Variants in ARHGAP27 observed in about 807,000 individuals in gnomAD.
The protein encoded by ARHGAP27 is Rho GTPase activating protein 27.
In ARHGAP27, 53 loss-of-function variants were observed where a neutral mutation model predicts 102.0. The ratio of observed to expected loss-of-function variants is 0.52; its 90% confidence interval spans 0.42 to 0.65. ARHGAP27 has a LOEUF of 0.65. Among genes scored for constraint, ARHGAP27 ranks in the 30% least tolerant of loss-of-function variants. ARHGAP27 has a pLI of 0.00. For synonymous variants in ARHGAP27, 525 were observed against 542.8 expected (o/e 0.97, Z 0.46); for missense variants, 1,117 against 1,256.2 (o/e 0.89, Z 1.68).
rs778211805 is a variant in ARHGAP27 at position 45,402,827 on chromosome 17, G to C, written c.1639-9C>G. On this transcript the variant is annotated splice_polypyrimidine_tract_variant and intron_variant, in intron 11 of 19. Coordinates refer to ENST00000685559, the MANE Select transcript of ARHGAP27 (RefSeq NM_001282290.2). ...AACTTGGAAGGCTGCCTCTGTGGGA[G>C]AGGGAGGAAGGTCACAGGGAGCCCT... The C allele has an allele frequency of 3.2e-5, 52 of 1,606,994 alleles. 1 individual carries two copies. The South Asian group carries it at 5.3e-4, about 16-fold the overall frequency.
At chr17:45,399,525 G>A (rs1469966343) in intron 12 of ARHGAP27, among the ~76,000 whole-genome samples, 1 of 151,184 alleles carries the variant, frequency 6.6e-6, no homozygotes, top group Non-Finnish European at 1.5e-5. Context: ...CCGGGAGGCA[G>A]AGATTGCAGT....
chr17:45,404,177 C>T (rs2144477716), intron 9 of ARHGAP27, 81 bp from the exon 10 acceptor site: 2 of 1,607,230 alleles, frequency 1.2e-6, no homozygotes, highest in Admixed American at 3.3e-5. Context: ...GTCACCTGCT[C>T]AGCTGCCACT....
At chr17:45,410,123 G>T (rs902383785) in intron 4 of ARHGAP27, 3 of 1,315,704 alleles carry the variant, frequency 2.3e-6, no homozygotes, top group Admixed American at 5.3e-5. Flanking sequence ...AAGGAAGTAT[G>T]AGCCCCAACT....
chr17:45,400,577 A>T (rs1025395916), intron 12 of ARHGAP27, among the ~76,000 whole-genome samples: 1 of 152,216 alleles, frequency 6.6e-6, no homozygotes, highest in African/African-American at 2.4e-5. Context: ...TGTTTGAAGG[A>T]TATACCTATC....
intron 12 of ARHGAP27, 44 bp from the exon 13 acceptor site, chr17:45,398,091 C>A (rs762614374): frequency 2.6e-6 from 4 of 1,544,604 alleles, no homozygotes; most frequent in Non-Finnish European, 3.5e-6. Context: ...TACCCTGGGT[C>A]TGCCCTGGGG....
rs2045451019 is a variant in ARHGAP27, at chr17:45,395,251, T to C, written c.*205A>G. 1 of 619,116 alleles carries C rather than the reference T, an allele frequency of 1.6e-6. No homozygotes were observed. Among genetic ancestry groups the C allele is most frequent in the East Asian group, 2.9e-5 (1 of 34,420 alleles). 38.4% of individuals were successfully genotyped at this position (619,116 alleles called of 1,614,324 possible). On this transcript the variant is annotated 3_prime_UTR_variant, in exon 20 of 20. Coordinates refer to ENST00000685559, the MANE Select transcript of ARHGAP27 (RefSeq NM_001282290.2). ...GACGTGACGGGAAGGGAAGGGGGGA[T>C]GGGGAGTTGGGAAGAAGGAATCACA...
chr17:45,403,482 G>C (rs1230100), intron 11 of ARHGAP27, 137 bp downstream of exon 11: 329,702 of 670,554 alleles, frequency 0.49, 82,728 homozygotes, highest in Middle Eastern at 0.64. Flanking sequence ...ACTCAGGAGG[G>C]AGAGGTTGCA....
rs1277431449 is a variant in ARHGAP27, at chr17:45,395,489, C to T, written c.2637G>A (p.Leu879=). The T allele has an allele frequency of 1.3e-6, 2 of 1,583,394 alleles. No homozygotes were observed. Among genetic ancestry groups the T allele is most frequent in the African/African-American group, 2.7e-5 (2 of 74,384 alleles). Residue 879 remains leucine, a synonymous_variant, in exon 20 of 20, where the codon CTG becomes CTA. Coordinates refer to ENST00000685559, the MANE Select transcript of ARHGAP27 (RefSeq NM_001282290.2). ...GCGGGAAGATGTCCGCGCACTGCTG[C>T]AGGATGAGCTCCACCACCTGGTTCT... is the stretch of plus-strand genomic sequence containing the variant. ...VFQNQVVELI[L]QQCADIFPPH
rs563442224 is a variant in ARHGAP27 at position 45,422,955 on chromosome 17, T to C, written c.657+6668A>G. Among the ~76,000 whole-genome samples the C allele has an allele frequency of 6.0e-4, 91 of 152,018 alleles. 2 individuals are homozygous for C. Among genetic ancestry groups the C allele is most frequent in the Admixed American group, 3.1e-3 (47 of 15,266 alleles). On this transcript the variant is annotated intron_variant, in intron 4 of 19. Coordinates refer to ENST00000685559, the MANE Select transcript of ARHGAP27 (RefSeq NM_001282290.2). Reference sequence around the variant, plus strand: ...CAGCACTTTGGGAGGCTGAGGTGGGTGGATCACTTGAGGTCAGGAGTTGCA... The same window carrying C: ...CAGCACTTTGGGAGGCTGAGGTGGGCGGATCACTTGAGGTCAGGAGTTGCA...
intron 4 of ARHGAP27, among the ~76,000 whole-genome samples, chr17:45,421,452 A>T (rs1464946796): frequency 6.6e-6 from 1 of 152,048 alleles, no homozygotes; most frequent in Non-Finnish European, 1.5e-5. Flanking sequence ...ATAGCACTCC[A>T]GCCTGGGTGG....
chr17:45,402,880 C>T (rs1020365671), intron 11 of ARHGAP27, 62 bp from the exon 12 acceptor site: 1 of 1,416,184 alleles, frequency 7.1e-7, no homozygotes. Flanking sequence ...CTGTGGCACT[C>T]TGACCCTAGG....
rs1217148316 is a variant in ARHGAP27, at chr17:45,428,771, G to C, written c.657+852C>G. On this transcript the variant is annotated intron_variant, in intron 4 of 19. Transcript: ENST00000685559. ...AAGAACTGCCCCTAGATCATCACAC[G>C]GCCGGTGGCAGATGGCAGAACGGTT... is the stretch of plus-strand genomic sequence containing the variant. Among the ~76,000 whole-genome samples the C allele has an allele frequency of 5.3e-5, 8 of 152,148 alleles. No individual in the cohort carries two copies. In the East Asian group the frequency reaches 1.5e-3, roughly 29 times the overall value.
chr17:45,417,889 T>A (rs911557517), intron 4 of ARHGAP27, among the ~76,000 whole-genome samples: 5 of 151,718 alleles, frequency 3.3e-5, no homozygotes, highest in Non-Finnish European at 7.4e-5. Flanking sequence ...CCGTCTCTAC[T>A]AAAAATATAA....
intron 8 of ARHGAP27, 48 bp from the exon 9 acceptor site, chr17:45,404,382 C>A (rs1034678484): frequency 6.2e-7 from 1 of 1,613,688 alleles, no homozygotes; most frequent in Non-Finnish European, 8.5e-7. Context: ...CTCCCAGGAA[C>A]TCCAGAAGCC....
chr17:45,406,140 A>T, intron 4 of ARHGAP27, 57 bp from the exon 5 acceptor site: 1 of 1,466,052 alleles, frequency 6.8e-7, no homozygotes, highest in Admixed American at 2.3e-5. Context: ...AAATGGTAAC[A>T]GAGGTCCCCT....
intron 12 of ARHGAP27, among the ~76,000 whole-genome samples, chr17:45,401,429 T>C (rs2046426691): frequency 6.6e-6 from 1 of 152,228 alleles, no homozygotes; most frequent in African/African-American, 2.4e-5. Context: ...GAAACCAGTT[T>C]TCCAACTTTG....
chr17:45,397,130 A>G (rs1299897651), intron 13 of ARHGAP27, 106 bp from the exon 14 acceptor site: 1 of 1,511,098 alleles, frequency 6.6e-7, no homozygotes, highest in Non-Finnish European at 8.8e-7. Flanking sequence ...TGGCCTGGAG[A>G]CCCTCAGCGA....
chr17:45,395,608 G>C lies in ARHGAP27; in HGVS notation c.2518C>G (p.Arg840Gly). The change falls in exon 20 of 20, where the codon CGC becomes GGC. Residue 840 changes from arginine (R) to glycine (G), a missense_variant. This residue lies in a region of ARHGAP27 where 493 missense variants were observed against 505.5 expected (regional missense o/e 0.98). Coordinates refer to ENST00000685559, the MANE Select transcript of ARHGAP27 (RefSeq NM_001282290.2). ...CRVIEHGEQN[R>G]MSVQSVAIVF... ...ATGGCCACGCTCTGCACCGACATGC[G>C]GTTCTGCTCGCCGTGCTCGATCACC... 6.2e-7 allele frequency: 1 copy of C among 1,607,354 alleles called. No homozygotes were observed. Among genetic ancestry groups the C allele is most frequent in the Non-Finnish European group, 8.5e-7 (1 of 1,177,270 alleles).
chr17:45,424,389 C>T (rs961765871), intron 4 of ARHGAP27, among the ~76,000 whole-genome samples: 5 of 152,248 alleles, frequency 3.3e-5, no homozygotes, highest in African/African-American at 7.2e-5. Flanking sequence ...CTCCCCGGCA[C>T]AGATCCAGCT....
Sources: gnomAD v4.1 joint callset for allele counts (sites outside exome capture counted in the v4.1 genomes callset) on GRCh38, gnomAD v4.1.1 for gene constraint, gnomAD v4.1.1 regional missense constraint, MANE v1.5 for transcripts, NCBI Gene and HGNC (gene_info 2026-07-23, HGNC 2026-07-21) for gene names.